The following DGKB variants were observed in gnomAD, a reference collection of about 807,000 sequenced individuals.
DGKB encodes 90 kDa diacylglycerol kinase.
A neutral mutation model predicts 114.3 loss-of-function variants in DGKB; 67 were observed. The ratio of observed to expected loss-of-function variants is 0.59; its 90% confidence interval spans 0.48 to 0.72. The LOEUF is 0.72. Ranked by LOEUF, DGKB falls within the 30% of genes least tolerant of loss-of-function variation. DGKB has a pLI of 0.00. For missense variants in DGKB, 907 were observed against 975.2 expected (o/e 0.93, Z 0.93); for synonymous variants, 398 against 323.1 (o/e 1.23, Z -2.49).
At chr7:14,887,436 C>A (rs868017802) in intron 1 of DGKB, among the ~76,000 whole-genome samples, 1 of 151,768 alleles carries the variant, frequency 6.6e-6, no homozygotes, top group African/African-American at 2.4e-5. Flanking sequence ...TTGGTTTACT[C>A]CAAGGCTTAG....
At chr7:14,326,781 A>G (rs1049266666) in intron 23 of DGKB, among the ~76,000 whole-genome samples, 7 of 151,984 alleles carry the variant, frequency 4.6e-5, no homozygotes, top group African/African-American at 1.4e-4. Context: ...TGGTTCCCTG[A>G]TTTTCTGATT....
Position 14,492,549 on chromosome 7 carries a change from G to T in DGKB, c.1771-14324C>A, listed in dbSNP as rs1429378481. Among the ~76,000 whole-genome samples, 3 of 152,108 alleles carry T rather than the reference G, an allele frequency of 2.0e-5. No homozygotes were observed. In the East Asian group the frequency reaches 5.8e-4, roughly 29 times the overall value. ...ATACAATTGACACATTTGTTAGTGA[G>T]GTACAGCTTACAGGGATTCACAGAA... On this transcript the variant is annotated intron_variant, in intron 20 of 25. Transcript: ENST00000402815.
chr7:14,644,714 T>A (rs1398211086), intron 13 of DGKB, among the ~76,000 whole-genome samples: 1 of 152,192 alleles, frequency 6.6e-6, no homozygotes, highest in East Asian at 1.9e-4. Flanking sequence ...AGGAGAACTT[T>A]AAGCAAACAC....
intron 21 of DGKB, among the ~76,000 whole-genome samples, chr7:14,350,426 C>G (rs1240331757): frequency 6.6e-6 from 1 of 151,806 alleles, no homozygotes; most frequent in African/African-American, 2.4e-5. Context: ...AGTAAAGTAC[C>G]AGTGCATTTT....
chr7:14,766,257 C>A (rs1836439557), intron 2 of DGKB, among the ~76,000 whole-genome samples: 1 of 151,808 alleles, frequency 6.6e-6, no homozygotes, highest in South Asian at 2.1e-4. Context: ...TATTCTAGTG[C>A]AAGAAGATAG....
chr7:14,974,290 C>A (rs1490721439), intron 1 of DGKB, among the ~76,000 whole-genome samples: 2 of 151,948 alleles, frequency 1.3e-5, no homozygotes, highest in Non-Finnish European at 2.9e-5. Context: ...CTATAGGACA[C>A]CCCTGGGGAA....
chr7:14,295,748 C>A (rs780267730), intron 23 of DGKB, among the ~76,000 whole-genome samples: 1 of 152,032 alleles, frequency 6.6e-6, no homozygotes, highest in African/African-American at 2.4e-5. Flanking sequence ...GATACATGTG[C>A]AGAACATGCA....
At chr7:14,440,691 T>C (rs1181056940) in intron 21 of DGKB, among the ~76,000 whole-genome samples, 2 of 152,182 alleles carry the variant, frequency 1.3e-5, no homozygotes, top group African/African-American at 4.8e-5. Flanking sequence ...ATATAAGTAA[T>C]GCAAATAATG....
At chr7:14,577,797 G>A (rs905158762) in intron 19 of DGKB, among the ~76,000 whole-genome samples, 2 of 152,066 alleles carry the variant, frequency 1.3e-5, no homozygotes, top group Non-Finnish European at 2.9e-5. Context: ...TCCAAAATAT[G>A]AAAATATATT....
At chr7:14,667,571 G>T (rs767057714) in intron 13 of DGKB, among the ~76,000 whole-genome samples, 1 of 151,938 alleles carries the variant, frequency 6.6e-6, no homozygotes, top group Non-Finnish European at 1.5e-5. Flanking sequence ...GAGGAAACTG[G>T]TACTAAATAA....
chr7:14,240,365 G>A (rs1364828113), intron 23 of DGKB, among the ~76,000 whole-genome samples: 1 of 152,010 alleles, frequency 6.6e-6, no homozygotes, highest in Admixed American at 6.6e-5. Context: ...CAACCAAGAA[G>A]TGTCAATGTT....
At chr7:14,860,705 G>C (rs1027642339) in intron 1 of DGKB, among the ~76,000 whole-genome samples, 1 of 151,828 alleles carries the variant, frequency 6.6e-6, no homozygotes, top group Non-Finnish European at 1.5e-5. Context: ...AAAGCACACA[G>C]TTATACTATG....
chr7:14,519,262 C>G (rs959660764), intron 20 of DGKB, among the ~76,000 whole-genome samples: 12 of 151,988 alleles, frequency 7.9e-5, no homozygotes, highest in Middle Eastern at 6.8e-3. Flanking sequence ...CTCCTCTGAC[C>G]ACCAGCCTCA....
intron 25 of DGKB, among the ~76,000 whole-genome samples, chr7:14,173,563 C>G (rs1474213952): frequency 1.3e-5 from 2 of 152,106 alleles, no homozygotes; most frequent in Non-Finnish European, 2.9e-5. Flanking sequence ...GCAATTCTTT[C>G]ATAAATTGAA....
chr7:14,295,210 A>C (rs1484060457), intron 23 of DGKB, among the ~76,000 whole-genome samples: 1 of 152,168 alleles, frequency 6.6e-6, no homozygotes, highest in East Asian at 1.9e-4. Flanking sequence ...TTTACTTTAT[A>C]GAAAGGAAAT....
At chr7:14,269,285 G>T (rs922410656) in intron 23 of DGKB, 6 of 152,150 alleles carry the variant, frequency 3.9e-5, no homozygotes, top group Admixed American at 3.9e-4. Context: ...GCTTTATTCT[G>T]TTCATTAGCA....
At chr7:14,971,693 C>T (rs967189386) in intron 1 of DGKB, among the ~76,000 whole-genome samples, 1 of 151,058 alleles carries the variant, frequency 6.6e-6, no homozygotes, top group African/African-American at 2.4e-5. Context: ...AGATGAAAAT[C>T]TTTTATTTTT....
At chr7:14,432,385 A>G (rs1021290916) in intron 21 of DGKB, among the ~76,000 whole-genome samples, 2 of 152,170 alleles carry the variant, frequency 1.3e-5, no homozygotes, top group Non-Finnish European at 2.9e-5. Flanking sequence ...GCAAAACAAT[A>G]GGCTGTAAAC....
chr7:14,375,499 T>A (rs139897499), intron 21 of DGKB, among the ~76,000 whole-genome samples: 364 of 152,340 alleles, frequency 2.4e-3, no homozygotes, highest in African/African-American at 8.2e-3. Context: ...GAATAAAGTA[T>A]TCATTTCAGA....
Sources: gnomAD v4.1 joint callset for allele counts (sites outside exome capture counted in the v4.1 genomes callset) on GRCh38, gnomAD v4.1.1 for gene constraint, MANE v1.5 for transcripts, NCBI Gene and HGNC (gene_info 2026-07-23, HGNC 2026-07-21) for gene names.